SYNE1: variants seen among roughly 807,000 people sequenced by gnomAD.
SYNE1 encodes spectrin repeat containing nuclear envelope protein 1, also known as nesprin-1.
A neutral mutation model predicts 1,111.0 loss-of-function variants in SYNE1; 616 were observed. The ratio of observed to expected loss-of-function variants is 0.55; its 90% CI spans 0.52 to 0.59. The LOEUF is 0.59. Ranked by LOEUF, SYNE1 falls within the 20% of genes least tolerant of loss-of-function variation. The probability of loss-of-function intolerance (pLI) is 0.00; values close to 1 mark genes in which losing one functional copy is unlikely to be tolerated. For missense variants in SYNE1, 10,006 were observed against 10,417.0 expected (o/e 0.96, Z 1.72); for synonymous variants, 3,855 against 3,825.8 (o/e 1.01, Z -0.28).
intron 4 of SYNE1, among the ~76,000 whole-genome samples, chr6:152,531,208 T>C (rs1331967921): frequency 1.3e-5 from 2 of 150,812 alleles, no homozygotes; most frequent in East Asian, 1.9e-4. Context: ...AATAAGAAAA[T>C]GAAAAAAAAA....
At position 152,510,347 on chromosome 6, in the gene SYNE1, G is replaced by A; in HGVS notation, c.427C>T (p.Pro143Ser). 6.2e-7 allele frequency: 1 copy of A among 1,613,912 alleles called. No individual in the cohort carries two copies. Among genetic ancestry groups the A allele is most frequent in the Non-Finnish European group, 8.5e-7 (1 of 1,179,958 alleles). ...CTGCTGGACAAAGACTGGAGCTGGG[G>A]CAGGTTGCTGGTCAACTCTTCAATC... Reference protein sequence around the residue: ...FQIEELTSNLPQLQSLSSSAS... With the variant: ...FQIEELTSNLSQLQSLSSSAS... The change falls in exon 8 of 146, where the codon CCC (proline) becomes TCC (serine). Residue 143 changes from proline to serine, a missense_variant. This residue lies in a region of SYNE1 where 1,971 missense variants were observed against 2,084.1 expected (regional missense o/e 0.95). Coordinates refer to ENST00000367255, the MANE Select transcript of SYNE1 (RefSeq NM_182961.4).
At position 152,218,572 on chromosome 6, in the gene SYNE1, T is replaced by C. The variant is rs542198164; in HGVS notation, c.22045-169A>G. ...AAAAAAGCTATAACAATTTAAATCT[T>C]CTTTATGTAATTTTTCTAAAAACTA... On this transcript the variant is annotated intron_variant, in intron 120 of 145. Transcript: ENST00000367255. Among the ~76,000 whole-genome samples, 4 of 152,340 alleles carry C rather than the reference T, an allele frequency of 2.6e-5. No individual in the cohort carries two copies. In the South Asian group the frequency reaches 8.3e-4, roughly 32 times the overall value.
intron 130 of SYNE1, among the ~76,000 whole-genome samples, chr6:152,168,834 C>A (rs1202106533): frequency 6.6e-6 from 1 of 152,066 alleles, no homozygotes; most frequent in African/African-American, 2.4e-5. Context: ...ATATGCAAAA[C>A]TTTTGTCCTT....
At chr6:152,488,364 T>C in intron 12 of SYNE1, 32 bp downstream of exon 12, 1 of 1,254,600 alleles carries the variant, frequency 8.0e-7, no homozygotes, top group Non-Finnish European at 1.2e-6. Context: ...AAATAGCTTT[T>C]GAAAAATTCA....
At position 152,242,291 on chromosome 6, in the gene SYNE1, T is replaced by C. The variant is rs1180306552; in HGVS notation, c.19842A>G (p.Lys6614=). The C allele has an allele frequency of 6.2e-7, 1 of 1,614,110 alleles. No homozygotes were observed. Among genetic ancestry groups the C allele is most frequent in the South Asian group, 1.1e-5 (1 of 91,080 alleles). ...TGQEKMAGDQ[K]IIVSSKEEIQ... The stretch of plus-strand genomic sequence containing the variant: ...TTTCCTCTTTGGAAGACACGATGAT[T>C]TTCTGGTCTCCTGCCATCTTCTCCT... Residue 6614 remains lysine (K), a synonymous_variant, in exon 107 of 146, where the codon AAA becomes AAG. Transcript: ENST00000367255.
intron 140 of SYNE1, among the ~76,000 whole-genome samples, chr6:152,138,456 AG>A (rs2057608928): frequency 6.6e-6 from 1 of 151,930 alleles, no homozygotes; most frequent in Admixed American, 6.6e-5. Flanking sequence ...GGTTACAGTG[AG>A]CCAAGATCGC....
At chr6:152,311,983 A>G (rs2095565788) in intron 87 of SYNE1, among the ~76,000 whole-genome samples, 1 of 151,998 alleles carries the variant, frequency 6.6e-6, no homozygotes, top group South Asian at 2.1e-4. Context: ...ACGGGGTTTC[A>G]TCGTGTTAGC....
chr6:152,400,719 C>A (rs2097800536), intron 47 of SYNE1, among the ~76,000 whole-genome samples: 1 of 152,016 alleles, frequency 6.6e-6, no homozygotes, highest in Non-Finnish European at 1.5e-5. Flanking sequence ...TCAACTTCTT[C>A]TTTTTCAAAA....
At chr6:152,533,217 T>G (rs1421277836) in intron 4 of SYNE1, among the ~76,000 whole-genome samples, 1 of 152,010 alleles carries the variant, frequency 6.6e-6, no homozygotes, top group Admixed American at 6.6e-5. Context: ...TTTCCACTTC[T>G]GCTTGGCAAA....
intron 22 of SYNE1, chr6:152,456,598 C>A (rs1370320013): frequency 3.2e-5 from 10 of 315,908 alleles, no homozygotes; most frequent in Non-Finnish European, 6.2e-5. Context: ...AAAAAGGCAG[C>A]AGACCGATGC....
chr6:152,250,916 G>C (rs1021785458), intron 104 of SYNE1, among the ~76,000 whole-genome samples: 1 of 152,154 alleles, frequency 6.6e-6, no homozygotes, highest in African/African-American at 2.4e-5. Context: ...AATGAAGAGT[G>C]CATAGATAGA....
chr6:152,562,291 G>GA (rs1387466501), intron 3 of SYNE1, among the ~76,000 whole-genome samples: 5 of 152,004 alleles, frequency 3.3e-5, no homozygotes, highest in African/African-American at 1.2e-4. Flanking sequence ...CCAATTACAA[G>GA]AAAAAATGCT....
chr6:152,503,068 TCTCATACTA>T (rs1379087918), intron 9 of SYNE1, among the ~76,000 whole-genome samples: 2 of 152,148 alleles, frequency 1.3e-5, no homozygotes, highest in African/African-American at 4.8e-5. Flanking sequence ...TCATACAGTA[TCTCATACTA>T]GTTCTATTCA....
chr6:152,386,774 TG>T (rs1388834588), intron 54 of SYNE1, among the ~76,000 whole-genome samples: 1 of 149,952 alleles, frequency 6.7e-6, no homozygotes, highest in African/African-American at 2.4e-5. Context: ...CGGCGACATT[TG>T]ATGTGCAAAG....
intron 104 of SYNE1, 84 bp downstream of exon 104, chr6:152,254,796 C>T: frequency 8.1e-7 from 1 of 1,236,384 alleles, no homozygotes; most frequent in African/African-American, 1.5e-5. Flanking sequence ...AAAACAACAA[C>T]CAGGTCTGTA....
At position 152,262,133 on chromosome 6, in the gene SYNE1, C is replaced by T. The variant is rs143594709; in HGVS notation, c.18871G>A (p.Ala6291Thr). The change falls in exon 101 of 146, where the codon GCT becomes ACT. Residue 6291 changes from alanine (A) to threonine (T), a missense_variant. Transcript: ENST00000367255. Reference protein sequence around the residue: ...ELGMEGEKSSAEDQMRMKWES... With the variant: ...ELGMEGEKSSTEDQMRMKWES... ...CATTTCATTCTCATCTGGTCTTCAG[C>T]GGATGATTTCTCCCCTTCCATCCCC... is the stretch of plus-strand genomic sequence containing the variant. 36 of 1,613,672 alleles carry T rather than the reference C, an allele frequency of 2.2e-5. No individual in the cohort carries two copies. Among genetic ancestry groups the T allele is most frequent in the Middle Eastern group, 1.6e-4 (1 of 6,082 alleles).
At chr6:152,411,900 G>T (rs2098059033) in intron 42 of SYNE1, among the ~76,000 whole-genome samples, 1 of 152,162 alleles carries the variant, frequency 6.6e-6, no homozygotes, top group African/African-American at 2.4e-5. Flanking sequence ...AAATAGTTTG[G>T]CAGGTTCTTA....
chr6:152,495,213 T>C lies in SYNE1; in HGVS notation c.939+3529A>G, dbSNP rs147390548. On this transcript the variant is annotated intron_variant, in intron 11 of 145. Coordinates refer to ENST00000367255, the MANE Select transcript of SYNE1 (RefSeq NM_182961.4). ...TCGCCCCTGCCCAGGATTGGCAGAT[T>C]GACTTTACCCACATGCCCCGAGTCA... Among the ~76,000 whole-genome samples, 507 of 152,300 alleles carry C rather than the reference T, an allele frequency of 3.3e-3. 10 individuals carry two copies. The highest frequency in any genetic ancestry group is 0.022 in the East Asian group (115 of 5,174).
chr6:152,285,215 ACTC>A (rs58237499), intron 95 of SYNE1, among the ~76,000 whole-genome samples: 28,929 of 151,706 alleles, frequency 0.19, 3,393 homozygotes, highest in East Asian at 0.46. Flanking sequence ...CCTCTCCTTC[ACTC>A]ACCAGATCCA....
Sources: allele counts gnomAD v4.1 joint callset (sites outside exome capture counted in the v4.1 genomes callset), GRCh38; gene constraint gnomAD v4.1.1; regional missense constraint gnomAD v4.1.1; transcripts MANE v1.5; gene names NCBI Gene and HGNC (gene_info 2026-07-23, HGNC 2026-07-21).